Variants in PAK3 observed in about 807,000 individuals in gnomAD.
PAK3 encodes serine/threonine-protein kinase PAK 3.
A neutral mutation model predicts 41.0 loss-of-function variants in PAK3; 4 were observed. The ratio of observed to expected loss-of-function variants is 0.10; its 90% CI spans 0.05 to 0.22. The LOEUF is 0.22. PAK3 is among the 10% of genes least tolerant of loss of function. PAK3 has a pLI of 1.00. For synonymous variants in PAK3, 146 were observed against 139.6 expected (o/e 1.05, Z -0.32); for missense variants, 205 against 409.9 (o/e 0.50, Z 4.32).
Position 111,220,741 on chromosome X carries a change from A to T in PAK3, c.*294A>T, listed in dbSNP as rs2094921207. The T allele has an allele frequency of 3.1e-6, 1 of 318,917 alleles. No individual in the cohort carries two copies. Among genetic ancestry groups the T allele is most frequent in the Admixed American group, 5.0e-5 (1 of 19,889 alleles). The allele number at this position is 318,917 out of a possible 1,213,427, so 26.3% of individuals were successfully genotyped here. ...CCCTCATTTTGTGCATTCACTTTGA[A>T]GAAAAAGGTTTCTCAAAGATGCACA... is the stretch of plus-strand genomic sequence containing the variant. On this transcript the variant is annotated 3_prime_UTR_variant, in exon 18 of 18. Coordinates refer to ENST00000372007, the MANE Select transcript of PAK3 (RefSeq NM_002578.5).
chrX:111,116,082 C>T (rs773979961), intron 4 of PAK3, among the ~76,000 whole-genome samples: 1 of 110,999 alleles, frequency 9.0e-6, no homozygotes, highest in South Asian at 3.9e-4. Flanking sequence ...GTAACAGAGA[C>T]AATCGAGACC....
At chrX:111,071,133 G>A (rs1270765430) in intron 1 of PAK3, among the ~76,000 whole-genome samples, 1 of 111,755 alleles carries the variant, frequency 8.9e-6, no homozygotes, top group Non-Finnish European at 1.9e-5. Context: ...TCAGGTATTG[G>A]ACTCTAGAAT....
chrX:111,123,370 T>A, intron 5 of PAK3, 92 bp downstream of exon 5: 1 of 775,360 alleles, frequency 1.3e-6, no homozygotes, highest in Non-Finnish European at 2.0e-6. Context: ...GAGGATTGAC[T>A]GTTCAGGGCC....
intron 1 of PAK3, among the ~76,000 whole-genome samples, chrX:111,067,445 C>G (rs1257859974): frequency 1.8e-5 from 2 of 111,587 alleles, no homozygotes; most frequent in African/African-American, 6.5e-5. Context: ...CAAGGTCACA[C>G]AGCTTGGATG....
intron 1 of PAK3, among the ~76,000 whole-genome samples, chrX:111,038,342 T>C (rs1007712495): frequency 6.2e-5 from 7 of 112,367 alleles, no homozygotes; most frequent in African/African-American, 2.3e-4. Context: ...TTTTCTTTTG[T>C]GGACCTGGTA....
chrX:110,944,642 G>A (rs901252649), intron 1 of PAK3: 4 of 112,512 alleles, frequency 3.6e-5, no homozygotes, highest in African/African-American at 1.3e-4. Flanking sequence ...TGTGCAGGGG[G>A]GGCGCTTTGT....
chrX:111,040,670 A>C lies in PAK3; in HGVS notation c.-27-82407A>C, dbSNP rs2092444440. Among the ~76,000 whole-genome samples the C allele has an allele frequency of 2.7e-5, 3 of 111,611 alleles. No homozygotes were observed. The Admixed American group carries it at 2.8e-4, about 11-fold the overall frequency. On this transcript the variant is annotated intron_variant, in intron 1 of 14. Transcript: ENST00000425146. ...GAATTAAATAAGGAAACCCCCATAA[A>C]GTGTTTAGTATAGTGCCCTTCACAG...
At chrX:110,989,806 C>T (rs1172574777) in intron 1 of PAK3, among the ~76,000 whole-genome samples, 1 of 111,555 alleles carries the variant, frequency 9.0e-6, no homozygotes, top group African/African-American at 3.3e-5. Flanking sequence ...CTCCCTTCTG[C>T]TGAGGGTTGA....
At chrX:111,132,961 G>A (rs1239884130) in intron 5 of PAK3, among the ~76,000 whole-genome samples, 4 of 110,814 alleles carry the variant, frequency 3.6e-5, no homozygotes, top group East Asian at 5.8e-4. Flanking sequence ...TACAGTGGTG[G>A]GGAGGTCCTC....
intron 17 of PAK3, among the ~76,000 whole-genome samples, chrX:111,220,039 T>C (rs2094914807): frequency 9.0e-6 from 1 of 111,611 alleles, no homozygotes; most frequent in South Asian, 3.8e-4. Context: ...TAACTAAATA[T>C]ACTTTTTCCA....
intron 1 of PAK3, among the ~76,000 whole-genome samples, chrX:111,010,190 C>T (rs1279598792): frequency 9.0e-6 from 1 of 111,672 alleles, no homozygotes; most frequent in Non-Finnish European, 1.9e-5. Flanking sequence ...TAAAAACATG[C>T]AGGGAATGTT....
chrX:110,994,452 C>T (rs766659341), intron 1 of PAK3, among the ~76,000 whole-genome samples: 28 of 111,410 alleles, frequency 2.5e-4, no homozygotes, highest in Non-Finnish European at 4.9e-4. Flanking sequence ...GCTGCAACCC[C>T]TGTTTGGCAC....
chrX:111,203,348 G>C (rs1458203940), intron 16 of PAK3, among the ~76,000 whole-genome samples: 1 of 111,882 alleles, frequency 8.9e-6, no homozygotes, highest in Non-Finnish European at 1.9e-5. Flanking sequence ...AATGACATTA[G>C]TTCAGCATAT....
intron 1 of PAK3, among the ~76,000 whole-genome samples, chrX:111,059,139 T>TTG (rs3033571): frequency 1.9e-5 from 2 of 103,206 alleles, no homozygotes; most frequent in Non-Finnish European, 4.0e-5. Context: ...TTTTTTTTTT[T>TTG]GAAAAAAAAG....
intron 1 of PAK3, among the ~76,000 whole-genome samples, chrX:111,020,943 G>T (rs747297774): frequency 3.6e-5 from 4 of 110,555 alleles, no homozygotes; most frequent in Non-Finnish European, 5.7e-5. Flanking sequence ...AATCCCCCTG[G>T]GTATATAACT....
intron 6 of PAK3, chrX:111,146,569 C>T: frequency 2.7e-6 from 3 of 1,091,814 alleles, no homozygotes; most frequent in Non-Finnish European, 3.7e-6. Flanking sequence ...CCCAGAGGTG[C>T]GTCACAGGCC....
chrX:110,979,296 CTTTTTTTT>C (rs869275249), intron 1 of PAK3, among the ~76,000 whole-genome samples: 107 of 9,077 alleles, frequency 0.012, 1 homozygote, highest in African/African-American at 0.018. Context: ...TATTACTTTT[CTTTTTTTT>C]TTTTTTTTTT....
At chrX:110,955,485 T>C (rs1293390497) in intron 1 of PAK3, among the ~76,000 whole-genome samples, 1 of 111,183 alleles carries the variant, frequency 9.0e-6, no homozygotes, top group African/African-American at 3.3e-5. Flanking sequence ...AAACCAAAGA[T>C]GAGCCAGGCA....
chrX:111,125,829 C>G (rs2093640582), intron 5 of PAK3, among the ~76,000 whole-genome samples: 1 of 111,592 alleles, frequency 9.0e-6, no homozygotes, highest in Non-Finnish European at 1.9e-5. Flanking sequence ...TCAGAAAAGT[C>G]TAAATTATCA....
Sources: allele counts gnomAD v4.1 joint callset (sites outside exome capture counted in the v4.1 genomes callset), GRCh38; gene constraint gnomAD v4.1.1; transcripts MANE v1.5; gene names NCBI Gene and HGNC (gene_info 2026-07-23, HGNC 2026-07-21).